Variants in GABRA4 observed in about 807,000 individuals in gnomAD.
GABRA4 encodes gamma-aminobutyric acid receptor subunit alpha-4.
In GABRA4, 12 loss-of-function variants were observed where a neutral mutation model predicts 49.7. That is an observed-to-expected ratio of 0.24 (90% confidence interval 0.15 to 0.39). The LOEUF (loss-of-function observed/expected upper bound fraction) is 0.39, where lower values mean the gene tolerates loss of function less well. GABRA4 is among the 10% of genes least tolerant of loss of function. The pLI is 1.00. For missense variants in GABRA4, 506 were observed against 686.0 expected (o/e 0.74, Z 2.93); for synonymous variants, 288 against 240.2 (o/e 1.20, Z -1.84).
intron 2 of GABRA4, among the ~76,000 whole-genome samples, chr4:46,979,844 C>G (rs1019922248): frequency 7.9e-5 from 12 of 152,236 alleles, no homozygotes; most frequent in South Asian, 2.1e-4. Context: ...GTGGCCACTA[C>G]TGAGACTGTT....
At chr4:46,978,182 G>A (rs1723210823) in intron 3 of GABRA4, among the ~76,000 whole-genome samples, 1 of 151,980 alleles carries the variant, frequency 6.6e-6, no homozygotes, top group African/African-American at 2.4e-5. Flanking sequence ...ATATAAGAGA[G>A]CACAACTGTA....
rs1182746073 is a variant in GABRA4, at chr4:46,928,443, G to A, written c.1447C>T (p.Leu483=). 1 of 1,613,660 alleles carries A rather than the reference G, an allele frequency of 6.2e-7. No homozygotes were observed. Among genetic ancestry groups the A allele is most frequent in the South Asian group, 1.1e-5 (1 of 91,076 alleles). The part of the protein sequence containing the change: ...ASTRHVFGSR[L]QRIKTTVNTI... ...TTAACTGTGGTCTTTATCCTCTGCA[G>A]TCTTGATCCAAACACGTGACGAGTA... Residue 483 remains leucine, a synonymous_variant, in exon 9 of 9, where the codon CTG becomes TTG. Transcript: ENST00000264318.
intron 2 of GABRA4, among the ~76,000 whole-genome samples, chr4:46,984,226 G>A (rs1723458296): frequency 6.6e-6 from 1 of 151,922 alleles, no homozygotes; most frequent in African/African-American, 2.4e-5. Flanking sequence ...ATGCACTTGA[G>A]GAAACATTTC....
intron 2 of GABRA4, among the ~76,000 whole-genome samples, chr4:46,979,941 T>A (rs909875564): frequency 6.6e-6 from 1 of 152,090 alleles, no homozygotes; most frequent in African/African-American, 2.4e-5. Context: ...ACAATATGGC[T>A]GACACAGATT....
intron 8 of GABRA4, among the ~76,000 whole-genome samples, chr4:46,956,685 G>A (rs1315262784): frequency 1.3e-5 from 2 of 151,948 alleles, no homozygotes; most frequent in South Asian, 2.1e-4. Context: ...ATCCTGCTGC[G>A]GCTCACCACT....
At chr4:46,958,098 A>T (rs1560472345) in intron 8 of GABRA4, among the ~76,000 whole-genome samples, 1 of 152,016 alleles carries the variant, frequency 6.6e-6, no homozygotes, top group East Asian at 1.9e-4. Context: ...GATATTAAAT[A>T]TTAAATGCCA....
At chr4:46,948,412 G>A (rs1722055500) in intron 8 of GABRA4, among the ~76,000 whole-genome samples, 1 of 152,038 alleles carries the variant, frequency 6.6e-6, no homozygotes, top group Non-Finnish European at 1.5e-5. Context: ...TTCAAACTAG[G>A]GAAGAATATT....
At chr4:46,969,072 T>C (rs1722861166) in intron 7 of GABRA4, among the ~76,000 whole-genome samples, 1 of 151,626 alleles carries the variant, frequency 6.6e-6, no homozygotes, top group South Asian at 2.1e-4. Context: ...TCATTCATCC[T>C]GTTTTAACAC....
At chr4:46,975,109 G>C (rs1395495361) in intron 5 of GABRA4, among the ~76,000 whole-genome samples, 1 of 151,914 alleles carries the variant, frequency 6.6e-6, no homozygotes, top group Non-Finnish European at 1.5e-5. Context: ...ACAGCTGCTT[G>C]CTTACCAGTC....
intron 7 of GABRA4, among the ~76,000 whole-genome samples, chr4:46,965,563 A>G (rs1722724945): frequency 6.6e-6 from 1 of 151,778 alleles, no homozygotes; most frequent in Admixed American, 6.6e-5. Context: ...CACGTAGCAC[A>G]CAGTGGGATG....
At position 46,982,930 on chromosome 4, in the gene GABRA4, C is replaced by T. The variant is rs147301161; in HGVS notation, c.206-3832G>A. Among the ~76,000 whole-genome samples the T allele has an allele frequency of 4.0e-3, 607 of 151,972 alleles. 3 individuals carry two copies. Among genetic ancestry groups the T allele is most frequent in the East Asian group, 9.3e-3 (48 of 5,160 alleles). The stretch of plus-strand genomic sequence containing the variant: ...AGGGGCTGGTATGCTCACAGGGTGT[C>T]GGTATTTTCCAAAGAACAATAAGCG... On this transcript the variant is annotated intron_variant, in intron 2 of 8. Transcript: ENST00000264318.
intron 1 of GABRA4, 66 bp downstream of exon 1, chr4:46,993,273 G>A (rs769471821): frequency 2.2e-6 from 3 of 1,383,396 alleles, no homozygotes; most frequent in Middle Eastern, 1.8e-4. Context: ...AGTGGCCAAA[G>A]GGGTCCCGGA....
intron 8 of GABRA4, among the ~76,000 whole-genome samples, chr4:46,933,226 A>G (rs1721502607): frequency 6.6e-6 from 1 of 152,202 alleles, no homozygotes; most frequent in South Asian, 2.1e-4. Flanking sequence ...TAATGCACAC[A>G]GTAGGCACCT....
chr4:46,935,396 T>C (rs1721571651), intron 8 of GABRA4, among the ~76,000 whole-genome samples: 1 of 152,194 alleles, frequency 6.6e-6, no homozygotes, highest in South Asian at 2.1e-4. Context: ...TAGCACATAG[T>C]AGGATTCAAA....
intron 8 of GABRA4, among the ~76,000 whole-genome samples, chr4:46,945,643 C>T (rs1721957106): frequency 6.6e-6 from 1 of 152,080 alleles, no homozygotes; most frequent in African/African-American, 2.4e-5. Context: ...AACTGAAATA[C>T]TGCTCTTAGA....
Position 46,928,665 on chromosome 4 carries a change from G to C in GABRA4, c.1225C>G (p.His409Asp). Reference sequence around the variant, plus strand: ...ACAACTGTGGAAGATTTGCTTGAATGGTTTCCCACCTCAGTTCTGTTGCCA... The same window carrying C: ...ACAACTGTGGAAGATTTGCTTGAATCGTTTCCCACCTCAGTTCTGTTGCCA... ...DVGNRTEVGN[H>D]SSKSSTVVQE... The change falls in exon 9 of 9, where the codon CAT becomes GAT. Residue 409 changes from histidine to aspartate, a missense_variant. Around this residue, in one of 5 missense-constraint regions of GABRA4, gnomAD observed 243 missense variants for 210.8 expected, o/e 1.15. Coordinates refer to ENST00000264318, the MANE Select transcript of GABRA4 (RefSeq NM_000809.4). The C allele has an allele frequency of 6.2e-7, 1 of 1,613,528 alleles. No individual in the cohort carries two copies. The highest frequency in any genetic ancestry group is 8.5e-7 in the Non-Finnish European group (1 of 1,179,664).
chr4:46,946,349 A>C lies in GABRA4; in HGVS notation c.1135-17594T>G, dbSNP rs143335966. Among the ~76,000 whole-genome samples, 345 of 152,266 alleles carry C rather than the reference A, an allele frequency of 2.3e-3. 3 individuals are homozygous for C. Among genetic ancestry groups the C allele is most frequent in the African/African-American group, 8.1e-3 (335 of 41,564 alleles). On this transcript the variant is annotated intron_variant, in intron 8 of 8. Transcript: ENST00000264318. The stretch of plus-strand genomic sequence containing the variant: ...TGAACTATCAAATGAAATTATATAG[A>C]GCGTGAGTCACTATTATAAATATTT...
intron 8 of GABRA4, among the ~76,000 whole-genome samples, chr4:46,934,405 G>T (rs1302162353): frequency 6.6e-6 from 1 of 152,138 alleles, no homozygotes; most frequent in Non-Finnish European, 1.5e-5. Flanking sequence ...GCTACACGTA[G>T]AAATTTTTAA....
chr4:46,946,331 T>A (rs1420636685), intron 8 of GABRA4, among the ~76,000 whole-genome samples: 1 of 152,140 alleles, frequency 6.6e-6, no homozygotes, highest in Non-Finnish European at 1.5e-5. Flanking sequence ...AAATGAACTA[T>A]CAAATGAAAT....
Sources: allele counts gnomAD v4.1 joint callset (sites outside exome capture counted in the v4.1 genomes callset), GRCh38; gene constraint gnomAD v4.1.1; regional missense constraint gnomAD v4.1.1; transcripts MANE v1.5; gene names NCBI Gene and HGNC (gene_info 2026-07-23, HGNC 2026-07-21).